The following EYA4 variants were observed in gnomAD, a reference collection of about 807,000 sequenced individuals.
EYA4 encodes the protein protein phosphatase EYA4.
Under a neutral mutation model 87.9 loss-of-function variants are expected in EYA4, and 31 were observed. That is an observed-to-expected ratio of 0.35 (90% CI 0.27 to 0.48). The LOEUF (loss-of-function observed/expected upper bound fraction) is 0.48. Among genes scored for constraint, EYA4 ranks in the 20% least tolerant of loss-of-function variants. The pLI is 0.99. For missense variants in EYA4, 678 were observed against 761.4 expected, an observed-to-expected ratio of 0.89 and a Z score of 1.29; for synonymous variants, 263 against 270.6, an observed-to-expected ratio of 0.97 and a Z score of 0.28.
chr6:133,503,688 G>C (rs149094826), intron 13 of EYA4, among the ~76,000 whole-genome samples: 35 of 152,198 alleles, frequency 2.3e-4, no homozygotes, highest in African/African-American at 7.5e-4. Flanking sequence ...CCTCAGCCTA[G>C]TTAATGCCTA....
chr6:133,372,694 A>C (rs1056431466), intron 2 of EYA4, among the ~76,000 whole-genome samples: 1 of 151,674 alleles, frequency 6.6e-6, no homozygotes, highest in Non-Finnish European at 1.5e-5. Context: ...AAATCTGTAA[A>C]ATTCAAAAAT....
At chr6:133,274,207 A>T (rs1776978175) in intron 1 of EYA4, among the ~76,000 whole-genome samples, 1 of 152,106 alleles carries the variant, frequency 6.6e-6, no homozygotes, top group African/African-American at 2.4e-5. Flanking sequence ...TTGTCTTTTT[A>T]AGGTTGGTCA....
chr6:133,517,459 G>A (rs553228901), intron 17 of EYA4, among the ~76,000 whole-genome samples: 26 of 152,006 alleles, frequency 1.7e-4, no homozygotes, highest in African/African-American at 6.0e-4. Context: ...CTTAATAAAT[G>A]TATGGGGAAC....
rs529736988 is a variant in EYA4, at chr6:133,372,583, T to A, written c.34-9809T>A. Reference sequence around the variant, plus strand: ...AGCATGCTATAAATACATTTTTTTTTATTGTATAAAGCTTAATTTTAAAAA... The same window carrying A: ...AGCATGCTATAAATACATTTTTTTTAATTGTATAAAGCTTAATTTTAAAAA... On this transcript the variant is annotated intron_variant, in intron 2 of 19. Transcript: ENST00000355286. 1.5e-4 allele frequency among the ~76,000 whole-genome samples: 23 copies of A among 151,928 alleles called. No homozygotes were observed. The South Asian group carries it at 3.5e-3, about 23-fold the overall frequency.
At chr6:133,344,878 A>G (rs1158315281) in intron 2 of EYA4, among the ~76,000 whole-genome samples, 3 of 152,120 alleles carry the variant, frequency 2.0e-5, no homozygotes, top group Admixed American at 1.3e-4. Flanking sequence ...TAATTACTCC[A>G]TATATCAATA....
At chr6:133,367,208 G>A (rs1784917067) in intron 2 of EYA4, among the ~76,000 whole-genome samples, 2 of 152,126 alleles carry the variant, frequency 1.3e-5, no homozygotes, top group African/African-American at 4.8e-5. Flanking sequence ...TAGCTTACAA[G>A]CAGGGTAAAA....
At chr6:133,477,552 C>T (rs1795848075) in intron 11 of EYA4, among the ~76,000 whole-genome samples, 1 of 151,930 alleles carries the variant, frequency 6.6e-6, no homozygotes, top group Non-Finnish European at 1.5e-5. Context: ...TATTTTCTCT[C>T]ACTCTAGTAG....
At position 133,394,282 on chromosome 6, in the gene EYA4, GTGTTTTTTTTTTTTTTTT is replaced by G. The variant is rs1402484889; in HGVS notation, c.83+11843_83+11860del. On this transcript the variant is annotated intron_variant, in intron 3 of 19. Transcript: ENST00000355286. ...GTTGGAAAAATGTATATATAAGCTT[GTGTTTTTTTTTTTTTTTT>G]TTTTTTTTTTTTTTTTTTGGTCATC... 5.8e-4 allele frequency among the ~76,000 whole-genome samples: 62 copies of G among 107,820 alleles called. 1 individual carries two copies. In the East Asian group the frequency reaches 0.015, roughly 26 times the overall value. 70.7% of individuals were successfully genotyped at this position (107,820 alleles called of 152,430 possible). A position where few individuals can be genotyped will look rare whatever the true frequency, so the allele number is the denominator to read the frequency against.
At chr6:133,463,681 A>T (rs1213630058) in intron 9 of EYA4, among the ~76,000 whole-genome samples, 2 of 152,088 alleles carry the variant, frequency 1.3e-5, no homozygotes, top group Non-Finnish European at 2.9e-5. Context: ...TTAATGCAAT[A>T]GTTGCCAAAA....
At chr6:133,334,976 A>T (rs1038817666) in intron 2 of EYA4, among the ~76,000 whole-genome samples, 1 of 152,264 alleles carries the variant, frequency 6.6e-6, no homozygotes, top group African/African-American at 2.4e-5. Flanking sequence ...AGGAATGAGA[A>T]GTCATCAAAG....
At chr6:133,506,652 A>G (rs1292949942) in intron 14 of EYA4, among the ~76,000 whole-genome samples, 2 of 152,222 alleles carry the variant, frequency 1.3e-5, no homozygotes, top group Non-Finnish European at 2.9e-5. Flanking sequence ...TCTGGATAAA[A>G]CAGTGCTAGA....
At chr6:133,492,531 T>C (rs1316836015) in intron 13 of EYA4, among the ~76,000 whole-genome samples, 2 of 152,212 alleles carry the variant, frequency 1.3e-5, no homozygotes, top group African/African-American at 4.8e-5. Flanking sequence ...AAACCGTTCC[T>C]CTAAGATCTG....
intron 2 of EYA4, among the ~76,000 whole-genome samples, chr6:133,293,985 CAT>C (rs10646344): frequency 8.5e-6 from 1 of 117,478 alleles, no homozygotes; most frequent in Non-Finnish European, 1.7e-5. Flanking sequence ...ATATATATTA[CAT>C]ATATATATAA....
intron 1 of EYA4, among the ~76,000 whole-genome samples, chr6:133,270,590 A>C (rs1042337499): frequency 6.6e-6 from 1 of 152,150 alleles, no homozygotes; most frequent in Non-Finnish European, 1.5e-5. Context: ...TCTACTACCC[A>C]TTCTGTATTC....
intron 2 of EYA4, among the ~76,000 whole-genome samples, chr6:133,310,019 A>G (rs944330814): frequency 6.6e-6 from 1 of 152,200 alleles, no homozygotes; most frequent in Non-Finnish European, 1.5e-5. Context: ...TTCTCTTAAT[A>G]TGAGGTTTTA....
In EYA4 at chr6:133,285,775, C is replaced by T. The variant is rs142494626; in HGVS notation, c.33+10962C>T. Among the ~76,000 whole-genome samples, 367 of 152,210 alleles carry T rather than the reference C, an allele frequency of 2.4e-3. 1 individual carries two copies. The highest frequency in any genetic ancestry group is 3.7e-3 in the Non-Finnish European group (251 of 68,024). ...TTGCATTGGGGTTAATCTAAGATGA[C>T]TTGCTAATGTATGGGTTATGGATTA... On this transcript the variant is annotated intron_variant, in intron 2 of 19. Transcript: ENST00000355286.
chr6:133,460,584 AT>A (rs1368665801), intron 6 of EYA4, among the ~76,000 whole-genome samples: 2 of 152,076 alleles, frequency 1.3e-5, no homozygotes, highest in African/African-American at 4.8e-5. Flanking sequence ...TTTAGACTGC[AT>A]TTTTTAATTG....
intron 10 of EYA4, among the ~76,000 whole-genome samples, chr6:133,467,355 A>G (rs1794941173): frequency 6.6e-6 from 1 of 152,130 alleles, no homozygotes; most frequent in Non-Finnish European, 1.5e-5. Flanking sequence ...AGTAAAATGA[A>G]TATAGTATTA....
At chr6:133,264,698 C>T (rs1776068019) in intron 1 of EYA4, among the ~76,000 whole-genome samples, 1 of 152,162 alleles carries the variant, frequency 6.6e-6, no homozygotes, top group African/African-American at 2.4e-5. Context: ...AGAGGTTTAG[C>T]GTTTCCATGT....
Sources: allele counts gnomAD v4.1 joint callset (sites outside exome capture counted in the v4.1 genomes callset), GRCh38; gene constraint gnomAD v4.1.1; transcripts MANE v1.5; gene names NCBI Gene and HGNC (gene_info 2026-07-23, HGNC 2026-07-21).